Variants in PINX1 observed in about 807,000 individuals in gnomAD.
PINX1 encodes the protein PIN2/TERF1-interacting telomerase inhibitor 1.
In PINX1, 34 loss-of-function variants were observed where a neutral mutation model predicts 25.4. The ratio of observed to expected loss-of-function variants is 1.34; its 90% CI spans 1.02 to 1.78. PINX1 has a LOEUF of 1.78. Among genes scored for constraint, PINX1 ranks in the 40% most tolerant of loss-of-function variants. The probability of loss-of-function intolerance (pLI) is 0.00; values close to 1 mark genes in which losing one functional copy is unlikely to be tolerated. For missense variants in PINX1, 592 were observed against 404.9 expected, an observed-to-expected ratio of 1.46 and a Z score of -3.97; for synonymous variants, 197 against 147.7, an observed-to-expected ratio of 1.33 and a Z score of -2.42.
chr8:10,811,716 G>A (rs1021255289), intron 6 of PINX1, among the ~76,000 whole-genome samples: 1 of 152,158 alleles, frequency 6.6e-6, no homozygotes, highest in African/African-American at 2.4e-5. Flanking sequence ...GTCTCTCCAC[G>A]GGGGCTTGCC....
intron 6 of PINX1, among the ~76,000 whole-genome samples, chr8:10,793,511 G>A (rs1801989303): frequency 1.3e-5 from 2 of 152,136 alleles, no homozygotes; most frequent in Admixed American, 6.5e-5. Context: ...AATTTGTGTT[G>A]GGCCACATTC....
At chr8:10,796,784 G>T (rs1802097577) in intron 6 of PINX1, among the ~76,000 whole-genome samples, 1 of 151,386 alleles carries the variant, frequency 6.6e-6, no homozygotes, top group Admixed American at 6.6e-5. Flanking sequence ...TTTTAGAGAT[G>T]AACCATGTTC....
intron 6 of PINX1, among the ~76,000 whole-genome samples, chr8:10,812,623 C>T (rs989002508): frequency 2.0e-5 from 3 of 152,210 alleles, no homozygotes; most frequent in Non-Finnish European, 2.9e-5. Flanking sequence ...CCCATTTCTT[C>T]CATCTGTTTC....
chr8:10,784,624 A>G (rs1801690950), intron 6 of PINX1, among the ~76,000 whole-genome samples: 1 of 152,228 alleles, frequency 6.6e-6, no homozygotes, highest in Admixed American at 6.5e-5. Flanking sequence ...TGAAAGGCAT[A>G]AAGTAAGTTT....
chr8:10,825,269 A>G (rs1798000434), intron 5 of PINX1: 1 of 519,956 alleles, frequency 1.9e-6, no homozygotes, highest in Non-Finnish European at 4.0e-6. Context: ...CCTGATACGC[A>G]TGACATTCCT....
rs1261229527 is a variant in PINX1 at position 10,831,682 on chromosome 8, T to C, written c.284A>G (p.His95Arg). 6.2e-6 allele frequency: 10 copies of C among 1,601,472 alleles called. No homozygotes were observed. Among genetic ancestry groups the C allele is most frequent in the East Asian group, 2.2e-5 (1 of 44,722 alleles). ...TTCCCTACCTGTGGTTTCCTGCCCA[T>C]GGCAAGTGTTCAGTTCGGCCAGAAG... ...NQLLAELNTCHGQETTDSSDK... is the reference protein window; with the variant it reads ...NQLLAELNTCRGQETTDSSDK... Residue 95 changes from histidine (H) to arginine (R), a missense_variant, in exon 4 of 7, where the codon CAT (histidine) becomes CGT (arginine). Transcript: ENST00000314787.
chr8:10,777,967 C>T (rs140879843), intron 6 of PINX1, among the ~76,000 whole-genome samples: 14 of 152,292 alleles, frequency 9.2e-5, no homozygotes, highest in South Asian at 2.1e-4. Context: ...CTTGCTCACA[C>T]GGGATAATCC....
chr8:10,828,016 G>T (rs978996481), intron 4 of PINX1, among the ~76,000 whole-genome samples: 1 of 151,830 alleles, frequency 6.6e-6, no homozygotes, highest in Non-Finnish European at 1.5e-5. Context: ...AAACAAGCAC[G>T]TGTCCATTCA....
At chr8:10,788,101 T>C (rs1442498569) in intron 6 of PINX1, among the ~76,000 whole-genome samples, 2 of 152,142 alleles carry the variant, frequency 1.3e-5, no homozygotes, top group African/African-American at 4.8e-5. Context: ...GATGATGTGA[T>C]GTGTAGGAAT....
intron 6 of PINX1, among the ~76,000 whole-genome samples, chr8:10,785,141 T>C (rs1801707816): frequency 6.6e-6 from 1 of 152,250 alleles, no homozygotes; most frequent in South Asian, 2.1e-4. Context: ...TAAACAGAAA[T>C]TTCTGGTTGT....
intron 6 of PINX1, among the ~76,000 whole-genome samples, chr8:10,770,776 C>T (rs1005090801): frequency 2.0e-5 from 3 of 152,198 alleles, no homozygotes; most frequent in Non-Finnish European, 4.4e-5. Flanking sequence ...TTATGATCAA[C>T]ATGCCAGTCC....
intron 1 of PINX1, among the ~76,000 whole-genome samples, chr8:10,839,293 G>C (rs1313157191): frequency 6.6e-6 from 1 of 152,182 alleles, no homozygotes. Flanking sequence ...TAACTCCTTT[G>C]CTTTTTCTTT....
intron 6 of PINX1, among the ~76,000 whole-genome samples, chr8:10,778,232 G>C (rs189230301): frequency 1.1e-3 from 171 of 152,232 alleles, no homozygotes; most frequent in African/African-American, 4.0e-3. Context: ...TGAAAGTTCA[G>C]GTTGAGTATC....
intron 6 of PINX1, among the ~76,000 whole-genome samples, chr8:10,781,565 G>A (rs1462977344): frequency 3.9e-5 from 6 of 152,172 alleles, no homozygotes; most frequent in African/African-American, 1.4e-4. Flanking sequence ...CTCAAAAGAT[G>A]ACATACACAT....
At chr8:10,809,340 C>A (rs11997269) in intron 6 of PINX1, among the ~76,000 whole-genome samples, 3,362 of 152,300 alleles carry the variant, frequency 0.022, 137 homozygotes, top group African/African-American at 0.077. Flanking sequence ...GAGTAGCCTT[C>A]CTGTTTCTGA....
intron 6 of PINX1, among the ~76,000 whole-genome samples, chr8:10,786,740 C>T (rs1256737780): frequency 6.6e-6 from 1 of 152,134 alleles, no homozygotes; most frequent in African/African-American, 2.4e-5. Flanking sequence ...AATCTTGCTT[C>T]CTCCCTCTTG....
chr8:10,796,813 C>G (rs960639642), intron 6 of PINX1, among the ~76,000 whole-genome samples: 1 of 151,708 alleles, frequency 6.6e-6, no homozygotes, highest in African/African-American at 2.4e-5. Flanking sequence ...ATAAAAGGCT[C>G]TAAGAAGGAT....
intron 2 of PINX1, among the ~76,000 whole-genome samples, chr8:10,833,188 G>A (rs1409399778): frequency 1.3e-5 from 2 of 152,196 alleles, no homozygotes; most frequent in African/African-American, 4.8e-5. Flanking sequence ...TCCAGGTAAG[G>A]AAAGATCAAG....
intron 1 of PINX1, 72 bp from the exon 2 acceptor site, chr8:10,834,847 C>T: frequency 2.0e-6 from 2 of 1,012,302 alleles, no homozygotes; most frequent in South Asian, 1.4e-5. Flanking sequence ...CATACACATG[C>T]ACAACTTTGT....
Sources: gnomAD v4.1 joint callset for allele counts (sites outside exome capture counted in the v4.1 genomes callset) on GRCh38, gnomAD v4.1.1 for gene constraint, MANE v1.5 for transcripts, NCBI Gene and HGNC (gene_info 2026-07-23, HGNC 2026-07-21) for gene names.